C2orf49: variants seen among roughly 807,000 people sequenced by gnomAD.
C2orf49 encodes tRNA-splicing ligase complex subunit ASW.
C2orf49 carries 11 observed loss-of-function variants against 20.6 expected under a neutral mutation model. That is an observed-to-expected ratio of 0.53 (90% CI 0.34 to 0.88). C2orf49 has a LOEUF of 0.88. Among genes scored for constraint, C2orf49 ranks in the 40% least tolerant of loss-of-function variants. C2orf49 has a pLI of 0.02. For missense variants in C2orf49, 289 were observed against 274.2 expected (o/e 1.05, Z -0.38); for synonymous variants, 134 against 108.5 (o/e 1.24, Z -1.46).
At position 105,339,756 on chromosome 2, in the gene C2orf49, T is replaced by C; in HGVS notation, c.266+7T>C. 6.3e-7 allele frequency: 1 copy of C among 1,577,784 alleles called. No individual in the cohort carries two copies. Among genetic ancestry groups the C allele is most frequent in the Non-Finnish European group, 8.6e-7 (1 of 1,168,234 alleles). ...TTAAAAATGAGACTAAAAGGTACTT[T>C]TTGGTGGTTCTAGCTTTCAATTTAT... On this transcript the variant is annotated splice_region_variant and intron_variant, in intron 2 of 3. Coordinates refer to ENST00000258457, the MANE Select transcript of C2orf49 (RefSeq NM_024093.3).
downstream of C2orf49, among the ~76,000 whole-genome samples, chr2:105,349,430 T>G (rs1309434490): frequency 1.3e-5 from 2 of 152,228 alleles, no homozygotes; most frequent in Non-Finnish European, 2.9e-5. Flanking sequence ...TCTTCATTTT[T>G]TTTGTCTGGA....
At chr2:105,337,903 A>T (rs966502232) in intron 1 of C2orf49, among the ~76,000 whole-genome samples, 2 of 152,208 alleles carry the variant, frequency 1.3e-5, no homozygotes, top group Non-Finnish European at 2.9e-5. Flanking sequence ...TGCTTGGGAA[A>T]TAGGGCTTAT....
At chr2:105,374,675 A>T in the C2orf49 span, among the ~76,000 whole-genome samples, 51 of 152,338 alleles carry the variant, frequency 3.3e-4, no homozygotes, top group African/African-American at 1.2e-3. Flanking sequence ...ACTTGGCTTC[A>T]TCTTGCCTGA....
intron 2 of C2orf49, among the ~76,000 whole-genome samples, chr2:105,341,670 G>A (rs1183686776): frequency 6.6e-6 from 1 of 152,172 alleles, no homozygotes; most frequent in African/African-American, 2.4e-5. Context: ...GAATTGTTGA[G>A]TTTGGCCAAC....
the C2orf49 span, among the ~76,000 whole-genome samples, chr2:105,364,617 CAGAG>C: frequency 2.0e-5 from 3 of 152,182 alleles, no homozygotes; most frequent in Non-Finnish European, 4.4e-5. Flanking sequence ...AGTAAGCTAT[CAGAG>C]AGGAGTGTAG....
At chr2:105,353,754 T>G (rs1679991233), downstream of C2orf49, among the ~76,000 whole-genome samples, 1 of 152,242 alleles carries the variant, frequency 6.6e-6, no homozygotes, top group Non-Finnish European at 1.5e-5. Flanking sequence ...TGAGCCTCTG[T>G]AATCTATCAT....
chr2:105,373,415 TA>T, the C2orf49 span: 4 of 809,634 alleles, frequency 4.9e-6, no homozygotes, highest in Non-Finnish European at 8.3e-6. Flanking sequence ...GTAAGTACTC[TA>T]AATACTCCTC....
the C2orf49 span, among the ~76,000 whole-genome samples, chr2:105,379,595 C>T: frequency 3.3e-5 from 5 of 152,176 alleles, no homozygotes; most frequent in African/African-American, 1.2e-4. Flanking sequence ...TTCCCACTGC[C>T]CTTCCACCTG....
rs1322553252 is a variant in C2orf49, at chr2:105,348,143, T to G, written c.*2772T>G. 6.6e-6 allele frequency: 1 copy of G among 152,178 alleles called. No individual in the cohort carries two copies. Among genetic ancestry groups the G allele is most frequent in the Non-Finnish European group, 1.5e-5 (1 of 68,042 alleles). The allele number at this position is 152,178 out of a possible 1,614,324, so 9.4% of individuals were successfully genotyped here. On this transcript the variant is annotated 3_prime_UTR_variant, in exon 4 of 4. Transcript: ENST00000258457. ...AGTCATATTGCTTGGCCCTCCACAT[T>G]CACTGAGAGGTGAAGATAGGCTGAC... is the stretch of plus-strand genomic sequence containing the variant.
chr2:105,367,166 C>T, the C2orf49 span, among the ~76,000 whole-genome samples: 2 of 152,186 alleles, frequency 1.3e-5, no homozygotes, highest in African/African-American at 4.8e-5. Context: ...TCTCTCTCCT[C>T]CCTTCCTCTC....
the C2orf49 span, chr2:105,359,068 C>T: frequency 6.6e-6 from 1 of 152,330 alleles, no homozygotes; most frequent in Admixed American, 6.5e-5. Flanking sequence ...GTCTACTGCC[C>T]TCCAATATCT....
chr2:105,354,666 CAA>C, the C2orf49 span, among the ~76,000 whole-genome samples: 19 of 147,824 alleles, frequency 1.3e-4, no homozygotes, highest in East Asian at 2.0e-4. Context: ...AACTCCATCT[CAA>C]AAAAAAAAAA....
the C2orf49 span, among the ~76,000 whole-genome samples, chr2:105,355,681 A>G: frequency 6.6e-6 from 1 of 152,142 alleles, no homozygotes; most frequent in Non-Finnish European, 1.5e-5. Flanking sequence ...AGTGTAACAT[A>G]TTTTAAACTT....
chr2:105,344,677 T>C (rs1679764198), intron 3 of C2orf49, among the ~76,000 whole-genome samples: 2 of 152,048 alleles, frequency 1.3e-5, no homozygotes, highest in South Asian at 4.2e-4. Flanking sequence ...CCTCCCAGGT[T>C]CAAGCAATCC....
At chr2:105,379,111 A>G in the C2orf49 span, among the ~76,000 whole-genome samples, 11 of 152,194 alleles carry the variant, frequency 7.2e-5, no homozygotes, top group Non-Finnish European at 4.4e-5. Context: ...TGCCAGATTG[A>G]CTAAACTTAA....
At chr2:105,360,950 C>G in the C2orf49 span, 1 of 189,184 alleles carries the variant, frequency 5.3e-6, no homozygotes, top group Non-Finnish European at 1.1e-5. Context: ...CTTTCAAGTT[C>G]GTGACATATG....
chr2:105,339,568 T>C lies in C2orf49; in HGVS notation c.100-15T>C, dbSNP rs1297147478. The C allele has an allele frequency of 1.3e-6, 2 of 1,575,896 alleles. No homozygotes were observed. Among genetic ancestry groups the C allele is most frequent in the Non-Finnish European group, 1.7e-6 (2 of 1,170,640 alleles). ...AAACATTGTTTTGAAATTACTTTTG[T>C]TTCCTTTCCCGCAGAAGAACATAGC... On this transcript the variant is annotated splice_polypyrimidine_tract_variant and intron_variant, in intron 1 of 3. Coordinates refer to ENST00000258457, the MANE Select transcript of C2orf49 (RefSeq NM_024093.3).
At chr2:105,350,645 T>A (rs1469665571), downstream of C2orf49, among the ~76,000 whole-genome samples, 1 of 152,238 alleles carries the variant, frequency 6.6e-6, no homozygotes, top group Non-Finnish European at 1.5e-5. Context: ...CTTTACCAGT[T>A]ATGGTGAAAG....
the C2orf49 span, chr2:105,378,481 A>C: frequency 3.8e-6 from 1 of 266,108 alleles, no homozygotes; most frequent in Non-Finnish European, 7.4e-6. Flanking sequence ...CTTTCCCTTC[A>C]GGCTGGTGTA....
Sources: gnomAD v4.1 joint callset for allele counts (sites outside exome capture counted in the v4.1 genomes callset) on GRCh38, gnomAD v4.1.1 for gene constraint, MANE v1.5 for transcripts, NCBI Gene and HGNC (gene_info 2026-07-23, HGNC 2026-07-21) for gene names.